Variants in PTRH1 observed in about 807,000 individuals in gnomAD.
PTRH1 encodes peptidyl-tRNA hydrolase 1 homolog.
Under a neutral mutation model 15.7 loss-of-function variants are expected in PTRH1, and 13 were observed. The observed-to-expected ratio is 0.83, with a 90% CI of 0.54 to 1.31. PTRH1 has a LOEUF of 1.31. Among genes scored for constraint, PTRH1 ranks in the 40% most tolerant of loss-of-function variants. The probability of loss-of-function intolerance (pLI) is 0.00; values close to 1 mark genes in which losing one functional copy is unlikely to be tolerated. For missense variants in PTRH1, 319 were observed against 296.2 expected, an observed-to-expected ratio of 1.08 and a Z score of -0.56; for synonymous variants, 139 against 136.7, an observed-to-expected ratio of 1.02 and a Z score of -0.12.
At chr9:127,713,277 G>A (rs1842811518), downstream of PTRH1, 1 of 1,176,476 alleles carries the variant, frequency 8.5e-7, no homozygotes, top group Admixed American at 2.7e-5. Context: ...GGCTCTGCCA[G>A]GCCACAGCTG....
chr9:127,715,007 A>C lies in PTRH1; in HGVS notation c.284T>G (p.Met95Arg), dbSNP rs577023463. The C allele has an allele frequency of 2.3e-6, 3 of 1,321,780 alleles. No homozygotes were observed. The highest frequency in any genetic ancestry group is 4.1e-5 in the East Asian group (1 of 24,134). The allele number at this position is 1,321,780 out of a possible 1,614,324, so 81.9% of individuals were successfully genotyped here. A position where few individuals can be genotyped will look rare whatever the true frequency, so the allele number is the denominator to read the frequency against. The change falls in exon 2 of 5, where the codon ATG becomes AGG. Residue 95 changes from methionine (M) to arginine (R), a missense_variant. By Grantham distance (91) the Met-to-Arg change is moderately conservative (BLOSUM62 -1). Transcript: ENST00000543175. This position sits in a 1 kb window ranked among gnomAD's most constrained non-coding sequence, Gnocchi z 5.8. ...QLVLLRPRRL[M>R]NANGRSVARA... ...GGCCACGCTGCGCCCGTTGGCGTTCATAAGCCGCCGTGGCCGGAGCAGGAC... is the reference window on the plus strand; with the variant it reads ...GGCCACGCTGCGCCCGTTGGCGTTCCTAAGCCGCCGTGGCCGGAGCAGGAC...
At chr9:127,712,024 C>A, downstream of PTRH1, 1 of 1,539,660 alleles carries the variant, frequency 6.5e-7, no homozygotes. Context: ...CTTTCCGATC[C>A]CACGACCCAG....
downstream of PTRH1, chr9:127,709,506 GA>G (rs1159013209): frequency 6.2e-7 from 1 of 1,614,142 alleles, no homozygotes; most frequent in East Asian, 2.2e-5. The surrounding 1 kb of genome is among the most constrained non-coding windows in gnomAD (Gnocchi z 4.7). Context: ...ACAAGAAGGA[GA>G]TTGTGGCCTT....
At chr9:127,712,286 G>A, downstream of PTRH1, 1 of 1,614,088 alleles carries the variant, frequency 6.2e-7, no homozygotes, top group Non-Finnish European at 8.5e-7. Flanking sequence ...ATGAGCAGAA[G>A]GTTCGGGCCA....
chr9:127,713,505 T>TTC (rs1564367871), downstream of PTRH1: 1 of 267,300 alleles, frequency 3.7e-6, no homozygotes, highest in Non-Finnish European at 6.7e-6. Context: ...TCTTTTTTTT[T>TTC]TTTTTTTTTT....
In PTRH1 at chr9:127,715,102, C is replaced by G. The variant is rs1448527985; in HGVS notation, c.189G>C (p.Ala63=). ...AGTGCCGGTCGCGCGTCCAACTCTCCGCCACACCCAGCCGCCGCGCCAGCT... is the reference window on the plus strand; with the variant it reads ...AGTGCCGGTCGCGCGTCCAACTCTCGGCCACACCCAGCCGCCGCGCCAGCT... ...LGQLARRLGV[A]ESWTRDRHCA... is the part of the protein sequence containing the mutation. The change falls in exon 2 of 5, where the codon GCG becomes GCC. Residue 63 remains alanine, a synonymous_variant. Coordinates refer to ENST00000543175, the MANE Select transcript of PTRH1 (RefSeq NM_001002913.3). The surrounding 1 kb of genome is among the most constrained non-coding windows in gnomAD (Gnocchi z 5.8). 1 of 1,533,498 alleles carries G rather than the reference C, an allele frequency of 6.5e-7. No individual in the cohort carries two copies. The highest frequency in any genetic ancestry group is 1.4e-5 in the African/African-American group (1 of 72,914). The allele number at this position is 1,533,498 out of a possible 1,614,324, so 95.0% of individuals were successfully genotyped here.
chr9:127,695,333 G>A (rs1332936847), intron 1 of PTRH1: 3 of 573,420 alleles, frequency 5.2e-6, no homozygotes, highest in Non-Finnish European at 9.2e-6. Flanking sequence ...CATTATGGGA[G>A]GACACAGACA....
At chr9:127,695,187 A>G (rs867837944) in intron 1 of PTRH1, 16 of 658,332 alleles carry the variant, frequency 2.4e-5, no homozygotes, top group Non-Finnish European at 3.3e-5. Context: ...AAAAAGCCCA[A>G]TGCTCATCAA....
At chr9:127,710,808 C>G, downstream of PTRH1, 1 of 1,539,256 alleles carries the variant, frequency 6.5e-7, no homozygotes, top group South Asian at 1.2e-5. Flanking sequence ...CCTGGGGCTA[C>G]GAACATCCTA....
chr9:127,699,546 C>G (rs1057276457), intron 1 of PTRH1, among the ~76,000 whole-genome samples: 1 of 152,024 alleles, frequency 6.6e-6, no homozygotes, highest in South Asian at 2.1e-4. Context: ...CTTTCCGAGG[C>G]GGGGTTGTGA....
downstream of PTRH1, chr9:127,712,756 A>G (rs1842797354): frequency 1.2e-6 from 2 of 1,614,202 alleles, no homozygotes; most frequent in Non-Finnish European, 8.5e-7. Flanking sequence ...CGTTCCAGCC[A>G]TGGCACAAGG....
At chr9:127,695,089 ATGATGG>A (rs771830457) in exon 2 of PTRH1, 15 of 700,994 alleles carry the variant, frequency 2.1e-5, no homozygotes, top group East Asian at 5.4e-5. Context: ...GATGATGATG[ATGATGG>A]TGATGATGAT....
chr9:127,699,462 G>A lies in PTRH1; in HGVS notation c.206-4321C>T, dbSNP rs567556691. 1.7e-4 allele frequency among the ~76,000 whole-genome samples: 26 copies of A among 152,354 alleles called. No homozygotes were observed. In the South Asian group the frequency reaches 5.2e-3, roughly 30 times the overall value. ...GGGGCTAGTAAGCGTCTACTAGCCG[G>A]GCTGTTTAGGGATTGGTCGCCTCTG... On this transcript the variant is annotated intron_variant, in intron 1 of 2. Transcript: ENST00000335223.
downstream of PTRH1, chr9:127,711,679 G>T: frequency 8.5e-7 from 1 of 1,171,146 alleles, no homozygotes; most frequent in Non-Finnish European, 1.2e-6. Flanking sequence ...TTTATTTAAA[G>T]CCCCCATAAC....
intron 1 of PTRH1, chr9:127,707,320 A>G: frequency 2.1e-6 from 2 of 945,472 alleles, no homozygotes; most frequent in Non-Finnish European, 3.1e-6. Flanking sequence ...TCCAGACCCC[A>G]TCCCGACCCC....
At chr9:127,711,165 A>C (rs898930075), downstream of PTRH1, 6 of 1,566,254 alleles carry the variant, frequency 3.8e-6, no homozygotes, top group African/African-American at 6.8e-5. Context: ...AACCTCACAA[A>C]GGGGTGTGCC....
downstream of PTRH1, chr9:127,709,395 T>G: frequency 6.2e-7 from 1 of 1,607,308 alleles, no homozygotes; most frequent in Non-Finnish European, 8.5e-7. The surrounding 1 kb of genome is among the most constrained non-coding windows in gnomAD (Gnocchi z 4.7). Flanking sequence ...GCCTGACCCC[T>G]GGACCACGGC....
At chr9:127,709,069 C>A (rs1490034196), downstream of PTRH1, among the ~76,000 whole-genome samples, 1 of 152,204 alleles carries the variant, frequency 6.6e-6, no homozygotes, top group East Asian at 1.9e-4. This position sits in a 1 kb window ranked among gnomAD's most constrained non-coding sequence, Gnocchi z 4.7. Flanking sequence ...GGTATAAAAT[C>A]ATCATAGTAC....
At chr9:127,694,839 T>C (rs1158262297) in intron 2 of PTRH1, 7 of 612,570 alleles carry the variant, frequency 1.1e-5, no homozygotes, top group Non-Finnish European at 2.1e-5. Flanking sequence ...TGGAGACTTT[T>C]AGCAGTGGCC....
Sources: allele counts gnomAD v4.1 joint callset (sites outside exome capture counted in the v4.1 genomes callset), GRCh38; gene constraint gnomAD v4.1.1; non-coding constraint Gnocchi (gnomAD v3.1); transcripts MANE v1.5; gene names NCBI Gene and HGNC (gene_info 2026-07-23, HGNC 2026-07-21).